The following POLN variants were observed in gnomAD, a reference collection of about 807,000 sequenced individuals.
POLN encodes DNA polymerase nu, also known as DNA polymerase N.
In POLN, 108 loss-of-function variants were observed where a neutral mutation model predicts 113.5. The observed-to-expected ratio is 0.95, with a 90% CI of 0.81 to 1.12. The LOEUF (loss-of-function observed/expected upper bound fraction) is 1.12, where lower values mean the gene tolerates loss of function less well. POLN is among the 50% of genes most tolerant of loss of function. The pLI is 0.00. For missense variants in POLN, 1,097 were observed against 1,077.1 expected, an observed-to-expected ratio of 1.02 and a Z score of -0.26; for synonymous variants, 386 against 391.5, an observed-to-expected ratio of 0.99 and a Z score of 0.17.
chr4:2,168,281 A>AGGGAG (rs924601863), intron 13 of POLN, among the ~76,000 whole-genome samples: 18 of 152,310 alleles, frequency 1.2e-4, no homozygotes, highest in South Asian at 8.3e-4. Context: ...GGAAAAGGGC[A>AGGGAG]GGGAGGGGAC....
intron 19 of POLN, among the ~76,000 whole-genome samples, chr4:2,121,676 TCTATG>T (rs1435187161): frequency 1.3e-5 from 2 of 152,110 alleles, no homozygotes; most frequent in African/African-American, 2.4e-5. Context: ...GTCTGCAGAA[TCTATG>T]GATATATCTC....
chr4:2,171,304 G>A, intron 11 of POLN, 123 bp from the exon 12 acceptor site: 1 of 773,456 alleles, frequency 1.3e-6, no homozygotes, highest in Non-Finnish European at 2.0e-6. Context: ...TGTGATACCA[G>A]CCCTTTGGGA....
Position 2,193,228 on chromosome 4 carries a change from C to A in POLN, c.997G>T (p.Gly333Cys). 1 of 1,606,636 alleles carries A rather than the reference C, an allele frequency of 6.2e-7. No homozygotes were observed. The highest frequency in any genetic ancestry group is 1.3e-5 in the African/African-American group (1 of 74,152). Residue 333 changes from glycine to cysteine, a missense_variant, in exon 7 of 26, where the codon GGC becomes TGC. Transcript: ENST00000511885. ...CCATGCTTCCAACTGCCATCATTGC[C>A]AAAAAACTGCAGCACTATTCTCACA... is the stretch of plus-strand genomic sequence containing the variant. ...DFVRIVLQFF[G>C]NDGSWKHVAD...
chr4:2,201,186 G>A (rs1217837847), intron 5 of POLN, among the ~76,000 whole-genome samples: 1 of 137,626 alleles, frequency 7.3e-6, no homozygotes, highest in East Asian at 2.3e-4. Context: ...AGAATCGCCT[G>A]AACCCGGGAG....
chr4:2,144,834 C>G (rs1159688629), intron 16 of POLN, among the ~76,000 whole-genome samples: 4 of 152,134 alleles, frequency 2.6e-5, no homozygotes, highest in Non-Finnish European at 5.9e-5. Flanking sequence ...AAGGAGCCTA[C>G]AGTAGAGGGA....
intron 19 of POLN, among the ~76,000 whole-genome samples, chr4:2,107,948 T>G (rs1030849697): frequency 1.3e-5 from 2 of 152,182 alleles, no homozygotes; most frequent in Non-Finnish European, 2.9e-5. Flanking sequence ...CTCCTCTGAG[T>G]GTCACCTGAT....
chr4:2,235,434 C>G (rs904000974), intron 2 of POLN, among the ~76,000 whole-genome samples: 1 of 152,178 alleles, frequency 6.6e-6, no homozygotes, highest in South Asian at 2.1e-4. Flanking sequence ...ACATATAAGA[C>G]CATCATAGCA....
At chr4:2,192,352 GTTTT>G (rs35897112) in intron 7 of POLN, among the ~76,000 whole-genome samples, 1 of 151,764 alleles carries the variant, frequency 6.6e-6, no homozygotes, top group Non-Finnish European at 1.5e-5. Context: ...TGTCCATCTA[GTTTT>G]TTTATTTCTC....
At chr4:2,111,767 C>T (rs1285668896) in intron 19 of POLN, among the ~76,000 whole-genome samples, 1 of 152,166 alleles carries the variant, frequency 6.6e-6, no homozygotes, top group East Asian at 1.9e-4. Context: ...AAGAACATTC[C>T]ATGCTCATAA....
intron 2 of POLN, among the ~76,000 whole-genome samples, 175 bp downstream of exon 2, chr4:2,241,345 A>T (rs1308420079): frequency 1.3e-5 from 2 of 152,232 alleles, no homozygotes; most frequent in Non-Finnish European, 2.9e-5. Flanking sequence ...CCAAAGATAA[A>T]ATGGTTTAAA....
intron 16 of POLN, among the ~76,000 whole-genome samples, chr4:2,134,374 C>T (rs778521948): frequency 1.3e-5 from 2 of 152,112 alleles, no homozygotes; most frequent in Non-Finnish European, 2.9e-5. Context: ...TTGGTGGATG[C>T]CTAGGTGTGT....
At chr4:2,136,537 A>G (rs556809060) in intron 16 of POLN, among the ~76,000 whole-genome samples, 18 of 152,388 alleles carry the variant, frequency 1.2e-4, no homozygotes, top group African/African-American at 4.1e-4. Context: ...ATCTAAAAAA[A>G]TTGAATGTTA....
At chr4:2,134,672 A>G (rs1731807662) in intron 16 of POLN, among the ~76,000 whole-genome samples, 1 of 152,074 alleles carries the variant, frequency 6.6e-6, no homozygotes, top group South Asian at 2.1e-4. Context: ...TCCTTTCCTT[A>G]AGGAGGAAAC....
chr4:2,123,813 A>C (rs962005825), intron 19 of POLN, among the ~76,000 whole-genome samples: 2 of 151,958 alleles, frequency 1.3e-5, no homozygotes, highest in East Asian at 3.9e-4. Flanking sequence ...TCAAAAAAAA[A>C]CCAAAACCGA....
intron 19 of POLN, among the ~76,000 whole-genome samples, chr4:2,107,416 T>C (rs1731089893): frequency 6.6e-6 from 1 of 152,322 alleles, no homozygotes; most frequent in African/African-American, 2.4e-5. Context: ...TGGTGTTTCA[T>C]GTGTGATCTT....
At chr4:2,114,034 G>T (rs945483297) in intron 19 of POLN, among the ~76,000 whole-genome samples, 3 of 151,368 alleles carry the variant, frequency 2.0e-5, no homozygotes, top group Middle Eastern at 3.2e-3. Flanking sequence ...CAAGTAGCCT[G>T]CACTATAGGC....
Position 2,198,625 on chromosome 4 carries a change from A to G in POLN, c.807T>C (p.Pro269=). ...CATCTGACACAAAGCCCTCCAGAAC[A>G]GGACCACAGGCCGGGGCATCTGGAC... is the stretch of plus-strand genomic sequence containing the variant. ...HGCPDAPACG[P]VLEGFVSDDP... The change falls in exon 6 of 26, where the codon CCT becomes CCC. Residue 269 remains proline (P), a synonymous_variant. Transcript: ENST00000511885. 1.2e-6 allele frequency: 2 copies of G among 1,614,082 alleles called. No homozygotes were observed. Among genetic ancestry groups the G allele is most frequent in the Non-Finnish European group, 1.7e-6 (2 of 1,180,000 alleles).
chr4:2,103,481 T>C (rs1730978863), intron 19 of POLN, among the ~76,000 whole-genome samples: 3 of 152,200 alleles, frequency 2.0e-5, no homozygotes, highest in African/African-American at 7.2e-5. Flanking sequence ...GCCAACTTTA[T>C]AAATTATTGG....
chr4:2,197,497 C>T (rs1478226212), intron 6 of POLN, among the ~76,000 whole-genome samples: 1 of 152,116 alleles, frequency 6.6e-6, no homozygotes, highest in East Asian at 1.9e-4. Context: ...GAGGCAGGGT[C>T]CAGGGAAGAC....
Sources: allele counts gnomAD v4.1 joint callset (sites outside exome capture counted in the v4.1 genomes callset), GRCh38; gene constraint gnomAD v4.1.1; transcripts MANE v1.5; gene names NCBI Gene and HGNC (gene_info 2026-07-23, HGNC 2026-07-21).